The following ARHGAP40 variants were observed in gnomAD, a reference collection of about 807,000 sequenced individuals.
ARHGAP40 encodes rho GTPase-activating protein 40.
ARHGAP40 carries 43 observed loss-of-function variants against 73.5 expected under a neutral mutation model. The observed-to-expected ratio is 0.58, with a 90% CI of 0.46 to 0.75. The LOEUF is 0.75. Ranked by LOEUF, ARHGAP40 falls within the 30% of genes least tolerant of loss-of-function variation. The pLI is 0.00. For synonymous variants in ARHGAP40, 300 were observed against 352.8 expected (o/e 0.85, Z 1.68); for missense variants, 734 against 861.8 (o/e 0.85, Z 1.86).
At chr20:38,639,537 G>T (rs115449497) in intron 9 of ARHGAP40, among the ~76,000 whole-genome samples, 151 bp downstream of exon 9, 3,730 of 152,358 alleles carry the variant, frequency 0.024, 142 homozygotes, top group African/African-American at 0.083. Context: ...AAGCAAGTGT[G>T]AACATGTGAG....
chr20:38,612,895 C>T (rs1025042257), intron 1 of ARHGAP40, among the ~76,000 whole-genome samples: 3 of 152,060 alleles, frequency 2.0e-5, no homozygotes, highest in African/African-American at 4.8e-5. Flanking sequence ...TAATCTTGTT[C>T]GAAGGAAGGA....
At chr20:38,647,001 C>T (rs187114729) in exon 13 of ARHGAP40, 1 of 1,305,538 alleles carries the variant, frequency 7.7e-7, no homozygotes, top group African/African-American at 1.5e-5. Context: ...CTATCAAGGA[C>T]CCCTTGAAGG....
exon 11 of ARHGAP40, chr20:38,643,883 G>C: frequency 1.5e-6 from 2 of 1,304,692 alleles, no homozygotes; most frequent in Non-Finnish European, 2.0e-6. Flanking sequence ...TGCAGATAAT[G>C]GTGCACTACC....
At chr20:38,643,589 C>A in intron 10 of ARHGAP40, 115 bp from the exon 11 acceptor site, 1 of 858,950 alleles carries the variant, frequency 1.2e-6, no homozygotes, top group Non-Finnish European at 1.6e-6. Context: ...TGCTGCCCTC[C>A]CAGCTCCTGG....
At position 38,641,710 on chromosome 20, in the gene ARHGAP40, C is replaced by T. The variant is rs1215152003; in HGVS notation, c.1280-16C>T. ...CTGAGCCTCCCATGGAGACTGAGGTCCCTCCCTTCCCGCAGACATCCCCAA... is the reference window on the plus strand; with the variant it reads ...CTGAGCCTCCCATGGAGACTGAGGTTCCTCCCTTCCCGCAGACATCCCCAA... On this transcript the variant is annotated splice_polypyrimidine_tract_variant and intron_variant, in intron 9 of 14. Coordinates refer to ENST00000373345, the Ensembl canonical transcript of ARHGAP40. 1.5e-6 allele frequency: 2 copies of T among 1,293,476 alleles called. No homozygotes were observed. The highest frequency in any genetic ancestry group is 1.2e-4 in the East Asian group (2 of 16,826). 80.1% of individuals were successfully genotyped at this position (1,293,476 alleles called of 1,614,324 possible).
At chr20:38,629,170 G>T (rs1003548452) in intron 4 of ARHGAP40, among the ~76,000 whole-genome samples, 168 bp downstream of exon 4, 1 of 152,186 alleles carries the variant, frequency 6.6e-6, no homozygotes, top group Non-Finnish European at 1.5e-5. Context: ...GACAGGTTGG[G>T]CCCTTAAGTG....
At chr20:38,621,122 CAT>C (rs1568606151) in intron 1 of ARHGAP40, among the ~76,000 whole-genome samples, 1 of 152,158 alleles carries the variant, frequency 6.6e-6, no homozygotes, top group Non-Finnish European at 1.5e-5. Context: ...TGAGTGAGGT[CAT>C]AGGCTGAGGG....
intron 1 of ARHGAP40, among the ~76,000 whole-genome samples, chr20:38,608,891 T>C (rs2088788681): frequency 6.6e-6 from 1 of 152,120 alleles, no homozygotes; most frequent in South Asian, 2.1e-4. Context: ...CCACCTGCCT[T>C]CCTTAAGTTG....
chr20:38,647,596 T>A (rs1186655379), intron 13 of ARHGAP40, among the ~76,000 whole-genome samples: 1 of 152,180 alleles, frequency 6.6e-6, no homozygotes, highest in Non-Finnish European at 1.5e-5. Context: ...TTTTACTATG[T>A]TAGCCAGGCT....
chr20:38,633,548 A>G (rs2088954493), intron 5 of ARHGAP40, among the ~76,000 whole-genome samples: 1 of 152,214 alleles, frequency 6.6e-6, no homozygotes, highest in African/African-American at 2.4e-5. Flanking sequence ...ACACACAGGT[A>G]AAATTATTTG....
At chr20:38,608,544 C>T (rs1464459662) in intron 1 of ARHGAP40, among the ~76,000 whole-genome samples, 1 of 152,176 alleles carries the variant, frequency 6.6e-6, no homozygotes, top group Non-Finnish European at 1.5e-5. Context: ...TCCTCACTGC[C>T]TTCTGTATAC....
chr20:38,615,649 T>C (rs1193303536), intron 1 of ARHGAP40, among the ~76,000 whole-genome samples: 1 of 152,094 alleles, frequency 6.6e-6, no homozygotes, highest in Non-Finnish European at 1.5e-5. Context: ...TCTCTTTATC[T>C]GGGGGTTGGA....
chr20:38,609,519 G>A (rs1452002714), intron 1 of ARHGAP40, among the ~76,000 whole-genome samples: 1 of 152,188 alleles, frequency 6.6e-6, no homozygotes, highest in Non-Finnish European at 1.5e-5. Flanking sequence ...TAAAAAGAAT[G>A]TCTCTGGTCT....
chr20:38,623,254 C>T (rs1568606602), intron 1 of ARHGAP40, 105 bp from the exon 2 acceptor site: 2 of 893,408 alleles, frequency 2.2e-6, no homozygotes, highest in Middle Eastern at 4.8e-4. Context: ...GCTTGCTTAG[C>T]CCCCAGGGGC....
At chr20:38,605,792 A>G (rs2088767758) in intron 1 of ARHGAP40, among the ~76,000 whole-genome samples, 1 of 152,252 alleles carries the variant, frequency 6.6e-6, no homozygotes, top group Admixed American at 6.5e-5. Context: ...TTGTACTTAC[A>G]TACGTGAATT....
At chr20:38,616,320 T>A (rs2088838707) in intron 1 of ARHGAP40, among the ~76,000 whole-genome samples, 1 of 152,192 alleles carries the variant, frequency 6.6e-6, no homozygotes, top group Non-Finnish European at 1.5e-5. Context: ...AATTCATTGC[T>A]CCACAACATA....
intron 6 of ARHGAP40, among the ~76,000 whole-genome samples, chr20:38,635,299 T>C (rs776664877): frequency 6.6e-6 from 1 of 152,222 alleles, no homozygotes; most frequent in African/African-American, 2.4e-5. Context: ...AAAAATATAA[T>C]TCAGAAAAGC....
chr20:38,613,133 A>C (rs2088813265), intron 1 of ARHGAP40, among the ~76,000 whole-genome samples: 1 of 152,184 alleles, frequency 6.6e-6, no homozygotes, highest in Non-Finnish European at 1.5e-5. Flanking sequence ...TTTTCAAATG[A>C]TGGCAAGCTA....
chr20:38,635,098 T>C (rs2088966030), intron 6 of ARHGAP40, among the ~76,000 whole-genome samples: 1 of 152,050 alleles, frequency 6.6e-6, no homozygotes, highest in African/African-American at 2.4e-5. Flanking sequence ...GCCAGGATGG[T>C]CTTGGTCTCT....
Sources: gnomAD v4.1 joint callset for allele counts (sites outside exome capture counted in the v4.1 genomes callset) on GRCh38, gnomAD v4.1.1 for gene constraint, MANE v1.5 for transcripts, NCBI Gene and HGNC (gene_info 2026-07-23, HGNC 2026-07-21) for gene names.